Variants in RNF220 observed in about 807,000 individuals in gnomAD.
RNF220 encodes the protein E3 ubiquitin-protein ligase RNF220.
Under a neutral mutation model 67.1 loss-of-function variants are expected in RNF220, and 7 were observed. That is an observed-to-expected ratio of 0.10 (90% confidence interval 0.06 to 0.20). RNF220 has a LOEUF of 0.20. Ranked by LOEUF, RNF220 falls within the 10% of genes least tolerant of loss-of-function variation. The pLI, the probability that RNF220 is intolerant of heterozygous loss-of-function variation, is 1.00. For missense variants in RNF220, 565 were observed against 740.3 expected, an observed-to-expected ratio of 0.76 and a Z score of 2.75; for synonymous variants, 270 against 283.2, an observed-to-expected ratio of 0.95 and a Z score of 0.47.
chr1:44,510,310 G>A (rs376516169), intron 2 of RNF220, among the ~76,000 whole-genome samples: 19 of 150,824 alleles, frequency 1.3e-4, no homozygotes, highest in African/African-American at 4.4e-4. Context: ...AGGGAGAGAG[G>A]GAGGGGAAGG....
chr1:44,563,579 A>G (rs897788205), intron 2 of RNF220, among the ~76,000 whole-genome samples: 5 of 152,166 alleles, frequency 3.3e-5, no homozygotes, highest in Non-Finnish European at 2.9e-5. Flanking sequence ...TGTAGTATGT[A>G]TGATGTAGTG....
chr1:44,513,917 C>T (rs1659244848), intron 2 of RNF220, among the ~76,000 whole-genome samples: 1 of 152,166 alleles, frequency 6.6e-6, no homozygotes, highest in South Asian at 2.1e-4. Context: ...CGTTTGTTAG[C>T]TTTGGAAGTT....
chr1:44,631,596 G>A (rs1160249604), intron 5 of RNF220: 1 of 152,488 alleles, frequency 6.6e-6, no homozygotes, highest in Non-Finnish European at 1.5e-5. Context: ...GAACTGGATG[G>A]CCTAGGGGTT....
At chr1:44,642,237 T>C (rs574585956) in intron 8 of RNF220, among the ~76,000 whole-genome samples, 1 of 152,176 alleles carries the variant, frequency 6.6e-6, no homozygotes, top group Non-Finnish European at 1.5e-5. Flanking sequence ...CACCTGTGTA[T>C]AAGAACGTGG....
At chr1:44,608,194 G>A (rs1030474668) in intron 2 of RNF220, among the ~76,000 whole-genome samples, 2 of 152,150 alleles carry the variant, frequency 1.3e-5, no homozygotes, top group African/African-American at 4.8e-5. Flanking sequence ...CGAAGTGCTA[G>A]GATTACAGGT....
intron 1 of RNF220, chr1:44,408,636 G>A (rs185586074): frequency 6.6e-5 from 10 of 152,062 alleles, no homozygotes; most frequent in Non-Finnish European, 1.5e-4. Flanking sequence ...GAAAAATATC[G>A]TTTAATTTGT....
chr1:44,571,314 C>T (rs975405007), intron 2 of RNF220, among the ~76,000 whole-genome samples: 4 of 152,210 alleles, frequency 2.6e-5, no homozygotes, highest in African/African-American at 4.8e-5. Flanking sequence ...AAACACTCCT[C>T]CTTCGCAGAT....
At chr1:44,534,320 T>C (rs2148200050) in intron 2 of RNF220, among the ~76,000 whole-genome samples, 1 of 151,664 alleles carries the variant, frequency 6.6e-6, no homozygotes, top group African/African-American at 2.4e-5. Flanking sequence ...ATTATTATTA[T>C]TTTTAATTTT....
At chr1:44,594,885 A>G (rs1666364216) in intron 2 of RNF220, among the ~76,000 whole-genome samples, 1 of 152,170 alleles carries the variant, frequency 6.6e-6, no homozygotes, top group Non-Finnish European at 1.5e-5. Flanking sequence ...TGGTCTAGCT[A>G]AGCCCATCTC....
intron 2 of RNF220, among the ~76,000 whole-genome samples, chr1:44,427,322 T>C (rs951983435): frequency 6.6e-6 from 1 of 152,218 alleles, no homozygotes; most frequent in Non-Finnish European, 1.5e-5. Context: ...TTGTTCACTG[T>C]GTGCCAGACA....
chr1:44,409,400 G>T (rs1647746349), intron 1 of RNF220, among the ~76,000 whole-genome samples: 1 of 152,204 alleles, frequency 6.6e-6, no homozygotes, highest in African/African-American at 2.4e-5. Context: ...GTCTGATGCC[G>T]TGGAAAAGTA....
At chr1:44,524,735 G>A (rs189737458) in intron 2 of RNF220, among the ~76,000 whole-genome samples, 1 of 152,046 alleles carries the variant, frequency 6.6e-6, no homozygotes, top group Non-Finnish European at 1.5e-5. Context: ...CTGAATGTTC[G>A]ATATTTCATT....
Position 44,480,840 on chromosome 1 carries a change from T to G in RNF220, c.625+68118T>G, listed in dbSNP as rs1435940475. Among the ~76,000 whole-genome samples, 4 of 151,580 alleles carry G rather than the reference T, an allele frequency of 2.6e-5. No individual in the cohort carries two copies. The South Asian group carries it at 8.3e-4, about 32-fold the overall frequency. On this transcript the variant is annotated intron_variant, in intron 2 of 14. Transcript: ENST00000361799. ...GGCAGAGGTTGCAGTGAGCTGAGATTGTAACACTGCACTCCAGCCTGGGCA... is the reference window on the plus strand; with the variant it reads ...GGCAGAGGTTGCAGTGAGCTGAGATGGTAACACTGCACTCCAGCCTGGGCA...
intron 5 of RNF220, among the ~76,000 whole-genome samples, chr1:44,629,590 C>G (rs1332365658): frequency 3.9e-5 from 6 of 152,180 alleles, no homozygotes; most frequent in Non-Finnish European, 7.3e-5. Context: ...GTAATCTCAG[C>G]ACTTTGGGAG....
At chr1:44,472,387 T>A (rs1557958747) in intron 2 of RNF220, among the ~76,000 whole-genome samples, 1 of 142,476 alleles carries the variant, frequency 7.0e-6, no homozygotes, top group Non-Finnish European at 1.5e-5. Flanking sequence ...ATTTTCTGGT[T>A]TGTTTTTTTG....
intron 2 of RNF220, among the ~76,000 whole-genome samples, chr1:44,415,956 G>A (rs1557902958): frequency 6.6e-6 from 1 of 152,162 alleles, no homozygotes; most frequent in Non-Finnish European, 1.5e-5. Flanking sequence ...TGGTAGGCAG[G>A]ATTTCTTTTG....
intron 6 of RNF220, 41 bp downstream of exon 6, chr1:44,632,426 C>T (rs1262124650): frequency 1.6e-5 from 25 of 1,528,712 alleles, no homozygotes; most frequent in East Asian, 2.4e-5. Context: ...CACCCCCGGC[C>T]TCCTCCCTCC....
intron 2 of RNF220, among the ~76,000 whole-genome samples, chr1:44,572,724 C>T (rs1204988987): frequency 6.6e-6 from 1 of 152,106 alleles, no homozygotes; most frequent in Non-Finnish European, 1.5e-5. Flanking sequence ...CTCATTGCCT[C>T]AAGAGTAGCT....
intron 2 of RNF220, among the ~76,000 whole-genome samples, chr1:44,567,044 G>T (rs1664076167): frequency 6.6e-6 from 1 of 152,188 alleles, no homozygotes; most frequent in Non-Finnish European, 1.5e-5. Context: ...GGGCAGAGAA[G>T]AATGGATGGA....
Sources: gnomAD v4.1 joint callset for allele counts (sites outside exome capture counted in the v4.1 genomes callset) on GRCh38, gnomAD v4.1.1 for gene constraint, MANE v1.5 for transcripts, NCBI Gene and HGNC (gene_info 2026-07-23, HGNC 2026-07-21) for gene names.